Variants in PLSCR4 observed in about 807,000 individuals in gnomAD.
PLSCR4 encodes the protein phospholipid scramblase 4, also known as Ca(2+)-dependent phospholipid scramblase 4.
A neutral mutation model predicts 36.3 loss-of-function variants in PLSCR4; 25 were observed. That is an observed-to-expected ratio of 0.69 (90% CI 0.50 to 0.96). PLSCR4 has a LOEUF of 0.96. Among genes scored for constraint, PLSCR4 ranks in the 40% least tolerant of loss-of-function variants. The pLI, the probability that PLSCR4 is intolerant of heterozygous loss-of-function variation, is 0.00. For synonymous variants in PLSCR4, 122 were observed against 132.9 expected, an observed-to-expected ratio of 0.92 and a Z score of 0.56; for missense variants, 408 against 414.7, an observed-to-expected ratio of 0.98 and a Z score of 0.14.
At chr3:146,196,524 CTA>C (rs2033750655) in intron 7 of PLSCR4, 106 bp downstream of exon 7, 2 of 999,232 alleles carry the variant, frequency 2.0e-6, no homozygotes, top group South Asian at 3.1e-5. Flanking sequence ...TTTCCTAACA[CTA>C]TGTTATTCAT....
At chr3:146,204,840 T>C (rs1178506893) in intron 4 of PLSCR4, among the ~76,000 whole-genome samples, 6 of 152,072 alleles carry the variant, frequency 3.9e-5, no homozygotes, top group Admixed American at 1.3e-4. Context: ...AAACATTTTA[T>C]TATCTTCTGA....
chr3:146,226,348 G>C (rs998812546), intron 1 of PLSCR4, among the ~76,000 whole-genome samples: 1 of 152,120 alleles, frequency 6.6e-6, no homozygotes, highest in African/African-American at 2.4e-5. Context: ...TCTAACTAAT[G>C]GTCTGTTGTT....
Position 146,238,080 on chromosome 3 carries a change from A to G in PLSCR4, c.-22+12880T>C, listed in dbSNP as rs1340185788. Among the ~76,000 whole-genome samples, 9 of 152,040 alleles carry G rather than the reference A, an allele frequency of 5.9e-5. No individual in the cohort carries two copies. The South Asian group carries it at 1.7e-3, about 28-fold the overall frequency. On this transcript the variant is annotated intron_variant, in intron 1 of 8. Coordinates refer to ENST00000354952, the MANE Select transcript of PLSCR4 (RefSeq NM_020353.3). ...CTACAAACTACCATATGCCAATTAG[A>G]TACAGTAGATGAAATGGACAAATTC...
intron 1 of PLSCR4, among the ~76,000 whole-genome samples, chr3:146,244,673 T>C (rs1357498332): frequency 6.6e-6 from 1 of 151,914 alleles, no homozygotes; most frequent in Non-Finnish European, 1.5e-5. Context: ...TTCTCCCATC[T>C]CTCCCCTTAT....
intron 3 of PLSCR4, among the ~76,000 whole-genome samples, chr3:146,216,269 C>T (rs1381801489): frequency 3.3e-5 from 5 of 151,848 alleles, no homozygotes; most frequent in Admixed American, 3.3e-4. Context: ...GTAGACAGTC[C>T]CATAGGCAGC....
chr3:146,226,392 A>G lies in PLSCR4; in HGVS notation c.-21-4300T>C, dbSNP rs568773806. 1.1e-4 allele frequency among the ~76,000 whole-genome samples: 17 copies of G among 152,306 alleles called. No homozygotes were observed. The South Asian group carries it at 2.3e-3, about 20-fold the overall frequency. On this transcript the variant is annotated intron_variant, in intron 1 of 8. Coordinates refer to ENST00000354952, the MANE Select transcript of PLSCR4 (RefSeq NM_020353.3). ...TGTTAAGTTCTTGGGATTGCAAACTATCAAGGAGCCAGAGTGGAAACTAAT... is the reference window on the plus strand; with the variant it reads ...TGTTAAGTTCTTGGGATTGCAAACTGTCAAGGAGCCAGAGTGGAAACTAAT...
rs34036393 is a variant in PLSCR4 at position 146,199,908 on chromosome 3, G to A, written c.529C>T (p.Arg177Trp). 22 of 1,613,386 alleles carry A rather than the reference G, an allele frequency of 1.4e-5. No individual in the cohort carries two copies. Among genetic ancestry groups the A allele is most frequent in the South Asian group, 2.2e-5 (2 of 91,064 alleles). The change falls in exon 6 of 9, where the codon CGG (arginine) becomes TGG (tryptophan). Residue 177 changes from arginine to tryptophan, a missense_variant. Coordinates refer to ENST00000354952, the MANE Select transcript of PLSCR4 (RefSeq NM_020353.3). ...AYRTLRPFVL[R>W]VTDCMGREIM... ...TCTCGGCCCATACAATCAGTGACCC[G>A]GAGGACGAAGGGCCTTAGTGTCCGA...
intron 3 of PLSCR4, among the ~76,000 whole-genome samples, chr3:146,211,131 A>C (rs1171922258): frequency 6.6e-6 from 1 of 152,074 alleles, no homozygotes; most frequent in Non-Finnish European, 1.5e-5. Context: ...ATTAACTGCC[A>C]AACTGTTTTC....
intron 4 of PLSCR4, among the ~76,000 whole-genome samples, chr3:146,204,134 G>GGTA (rs1278150337): frequency 6.6e-6 from 1 of 151,934 alleles, no homozygotes; most frequent in Non-Finnish European, 1.5e-5. Flanking sequence ...TCTGTTAAGG[G>GGTA]GTAGTTCTTT....
intron 3 of PLSCR4, among the ~76,000 whole-genome samples, chr3:146,211,578 T>G (rs561642575): frequency 3.9e-5 from 6 of 152,254 alleles, no homozygotes; most frequent in South Asian, 2.1e-4. Flanking sequence ...TTGTTGGTTG[T>G]TTGTGCTTTA....
intron 1 of PLSCR4, among the ~76,000 whole-genome samples, chr3:146,231,496 T>C (rs746149284): frequency 6.6e-6 from 1 of 152,150 alleles, no homozygotes; most frequent in African/African-American, 2.4e-5. Context: ...AAGCATTCCT[T>C]TTTCTCTGTA....
At chr3:146,222,351 TAA>T in intron 1 of PLSCR4, 1 of 224,306 alleles carries the variant, frequency 4.5e-6, no homozygotes, top group Non-Finnish European at 8.7e-6. Context: ...GAATGAGATT[TAA>T]AAAAAGTCAA....
intron 3 of PLSCR4, among the ~76,000 whole-genome samples, chr3:146,218,193 TGAA>T (rs1208250181): frequency 3.9e-5 from 6 of 152,312 alleles, no homozygotes; most frequent in African/African-American, 1.4e-4. Context: ...AAGTTTGTTA[TGAA>T]GAATATACTT....
At chr3:146,232,249 T>C (rs2107824633) in intron 1 of PLSCR4, among the ~76,000 whole-genome samples, 1 of 152,336 alleles carries the variant, frequency 6.6e-6, no homozygotes. Flanking sequence ...TGTGGCTTTA[T>C]AATACAGTTT....
rs543160506 is a variant in PLSCR4 at position 146,235,657 on chromosome 3, T to G, written c.-21-13565A>C. Among the ~76,000 whole-genome samples the G allele has an allele frequency of 3.3e-5, 5 of 152,166 alleles. No individual in the cohort carries two copies. In the South Asian group the frequency reaches 1.0e-3, roughly 31 times the overall value. On this transcript the variant is annotated intron_variant, in intron 1 of 8. Coordinates refer to ENST00000354952, the MANE Select transcript of PLSCR4 (RefSeq NM_020353.3). Reference sequence around the variant, plus strand: ...TTGGAACTGGGTAACAGGCAGAGGTTGAAACAGCTTGGAGGGCTCAGAAGA... The same window carrying G: ...TTGGAACTGGGTAACAGGCAGAGGTGGAAACAGCTTGGAGGGCTCAGAAGA...
Position 146,215,033 on chromosome 3 carries a change from T to C in PLSCR4, c.118+5782A>G, listed in dbSNP as rs549126182. On this transcript the variant is annotated intron_variant, in intron 3 of 8. Transcript: ENST00000354952. Reference sequence around the variant, plus strand: ...ATTATTATAAAATGACCATTATCTCTAGTAATAATTTTTTCCTCAAAGTAT... The same window carrying C: ...ATTATTATAAAATGACCATTATCTCCAGTAATAATTTTTTCCTCAAAGTAT... 1.2e-4 allele frequency among the ~76,000 whole-genome samples: 18 copies of C among 152,256 alleles called. No individual in the cohort carries two copies. In the South Asian group the frequency reaches 3.7e-3, roughly 32 times the overall value.
chr3:146,231,149 T>G (rs1232763638), intron 1 of PLSCR4, among the ~76,000 whole-genome samples: 2 of 152,138 alleles, frequency 1.3e-5, no homozygotes, highest in Non-Finnish European at 2.9e-5. Flanking sequence ...TTAATTCCCT[T>G]AGGATGATGG....
intron 1 of PLSCR4, among the ~76,000 whole-genome samples, chr3:146,236,969 C>T (rs1189476894): frequency 6.6e-6 from 1 of 151,818 alleles, no homozygotes; most frequent in Non-Finnish European, 1.5e-5. Flanking sequence ...TCCTACCTTA[C>T]CAGTAATTAC....
At chr3:146,217,665 A>G (rs2034957767) in intron 3 of PLSCR4, among the ~76,000 whole-genome samples, 1 of 152,204 alleles carries the variant, frequency 6.6e-6, no homozygotes, top group African/African-American at 2.4e-5. Flanking sequence ...ACTGGATATG[A>G]GAAAAGATTC....
Sources: gnomAD v4.1 joint callset for allele counts (sites outside exome capture counted in the v4.1 genomes callset) on GRCh38, gnomAD v4.1.1 for gene constraint, MANE v1.5 for transcripts, NCBI Gene and HGNC (gene_info 2026-07-23, HGNC 2026-07-21) for gene names.